DMD: variants seen among roughly 807,000 people sequenced by gnomAD.
The protein encoded by DMD is mutant dystrophin.
In DMD, 63 loss-of-function variants were observed where a neutral mutation model predicts 330.1. That is an observed-to-expected ratio of 0.19 (90% CI 0.16 to 0.24). The LOEUF (loss-of-function observed/expected upper bound fraction) is 0.24. DMD is among the 10% of genes least tolerant of loss of function. The probability of loss-of-function intolerance (pLI) is 1.00; values close to 1 mark genes in which losing one functional copy is unlikely to be tolerated. For missense variants in DMD, 3,344 were observed against 2,684.1 expected, an observed-to-expected ratio of 1.25 and a Z score of -5.43; for synonymous variants, 1,223 against 959.8, an observed-to-expected ratio of 1.27 and a Z score of -5.07.
intron 49 of DMD, among the ~76,000 whole-genome samples, chrX:31,831,778 A>T (rs1240651759): frequency 9.0e-6 from 1 of 110,806 alleles, no homozygotes; most frequent in Non-Finnish European, 1.9e-5. Context: ...TTGTTTTTGT[A>T]TTTTTAGTAG....
chrX:31,767,298 C>T lies in DMD; in HGVS notation c.7542+6662G>A, dbSNP rs760073256. Among the ~76,000 whole-genome samples the T allele has an allele frequency of 3.6e-5, 4 of 111,659 alleles. No homozygotes were observed. In the South Asian group the frequency reaches 1.5e-3, roughly 42 times the overall value. ...AGAGAAAAACAGAATAATCAATCTC[C>T]TCACCCTAAGATGACTGTCACCCAA... On this transcript the variant is annotated intron_variant, in intron 51 of 78. Transcript: ENST00000357033.
intron 34 of DMD, among the ~76,000 whole-genome samples, chrX:32,369,578 C>A (rs1401402909): frequency 6.3e-5 from 7 of 110,965 alleles, no homozygotes; most frequent in Non-Finnish European, 1.3e-4. Context: ...TATAGGAACA[C>A]CTTTACAAAC....
intron 11 of DMD, among the ~76,000 whole-genome samples, chrX:32,629,800 A>G (rs1430303611): frequency 4.6e-5 from 3 of 65,705 alleles, no homozygotes; most frequent in African/African-American, 2.9e-4. Context: ...AGAGAAAACT[A>G]AAAAAAAAAA....
rs939850348 is a variant in DMD at position 32,648,872 on chromosome X, A to T, written c.961-3720T>A. Among the ~76,000 whole-genome samples the T allele has an allele frequency of 3.6e-5, 4 of 111,925 alleles. No individual in the cohort carries two copies. The Admixed American group carries it at 3.8e-4, about 11-fold the overall frequency. On this transcript the variant is annotated intron_variant, in intron 9 of 78. Transcript: ENST00000357033. ...GAGATCACTTCATACATGTCATGGC[A>T]TCAAATGAAGAGATTTTCTAGGAAA...
rs752538981 is a variant in DMD, at chrX:32,545,291, G to C, written c.2036C>G (p.Thr679Arg). 2 of 1,208,846 alleles carry C rather than the reference G, an allele frequency of 1.7e-6. No individual in the cohort carries two copies. The highest frequency in any genetic ancestry group is 1.8e-5 in the South Asian group (1 of 56,808). Residue 679 changes from threonine (T) to arginine (R), a missense_variant, in exon 17 of 79, where the codon ACA becomes AGA. Transcript: ENST00000357033. ...CGTAGTTACTGTTTCCATTACAGTTGTCTGTGTTAGTGATGGCTGAGTGGT... is the reference window on the plus strand; with the variant it reads ...CGTAGTTACTGTTTCCATTACAGTTCTCTGTGTTAGTGATGGCTGAGTGGT... Reference protein sequence around the residue: ...VTTTQPSLTQTTVMETVTTVT... With the variant: ...VTTTQPSLTQRTVMETVTTVT...
At chrX:32,953,099 C>T (rs1255646366) in intron 2 of DMD, among the ~76,000 whole-genome samples, 2 of 100,273 alleles carry the variant, frequency 2.0e-5, no homozygotes, top group African/African-American at 7.5e-5. Context: ...CGCGTCACTG[C>T]ACTCCAGCCT....
At chrX:33,337,336 AT>A (rs1479368678) in intron 1 of DMD, among the ~76,000 whole-genome samples, 4 of 111,466 alleles carry the variant, frequency 3.6e-5, no homozygotes, top group African/African-American at 1.3e-4. Context: ...AGAGGGCTGT[AT>A]TTTAAACAAC....
At chrX:32,749,522 CCT>C (rs1254036150) in intron 7 of DMD, among the ~76,000 whole-genome samples, 3 of 112,276 alleles carry the variant, frequency 2.7e-5, no homozygotes, top group Non-Finnish European at 5.6e-5. Context: ...TATAAATTAT[CCT>C]GTTTTCTTCC....
chrX:31,548,792 T>C (rs757599365), intron 55 of DMD, among the ~76,000 whole-genome samples: 2 of 111,267 alleles, frequency 1.8e-5, no homozygotes, highest in South Asian at 7.6e-4. Context: ...ATGAGTAAAC[T>C]AGAAAATCAT....
intron 61 of DMD, among the ~76,000 whole-genome samples, chrX:31,340,077 G>A (rs2057642995): frequency 8.9e-6 from 1 of 112,275 alleles, no homozygotes; most frequent in African/African-American, 3.2e-5. Context: ...CAGGATGAAA[G>A]CTTGGCAACT....
At chrX:31,862,606 G>C (rs192659706) in intron 48 of DMD, among the ~76,000 whole-genome samples, 168 of 112,342 alleles carry the variant, frequency 1.5e-3, no homozygotes, top group Non-Finnish European at 1.7e-3. Flanking sequence ...GATAACAACA[G>C]TTCCAGAAAA....
At chrX:31,359,194 A>G (rs2058812779) in intron 60 of DMD, among the ~76,000 whole-genome samples, 1 of 112,600 alleles carries the variant, frequency 8.9e-6, no homozygotes, top group African/African-American at 3.2e-5. Flanking sequence ...ATAAAGTATT[A>G]TGGGAAAGAT....
At chrX:32,903,826 G>A (rs2086513864) in intron 2 of DMD, among the ~76,000 whole-genome samples, 1 of 111,429 alleles carries the variant, frequency 9.0e-6, no homozygotes, top group Non-Finnish European at 1.9e-5. Flanking sequence ...TAAGGAGTGG[G>A]AGTGGCATTC....
intron 18 of DMD, among the ~76,000 whole-genome samples, chrX:32,508,615 C>T (rs1315772482): frequency 1.8e-5 from 2 of 110,645 alleles, no homozygotes; most frequent in African/African-American, 6.6e-5. Flanking sequence ...CCATGTGGGA[C>T]TTCTGAGGGG....
At chrX:32,093,001 A>G (rs891364091) in intron 44 of DMD, among the ~76,000 whole-genome samples, 2 of 110,844 alleles carry the variant, frequency 1.8e-5, no homozygotes, top group Admixed American at 9.6e-5. Context: ...TCTCCCTTAT[A>G]TACTGTACTA....
chrX:32,593,097 A>C (rs1446466527), intron 13 of DMD, among the ~76,000 whole-genome samples: 1 of 112,914 alleles, frequency 8.9e-6, no homozygotes, highest in African/African-American at 3.2e-5. Flanking sequence ...AGCCAAGCAC[A>C]GCCTGCCAGG....
chrX:33,277,717 A>G (rs2053257274), intron 1 of DMD, among the ~76,000 whole-genome samples: 1 of 111,510 alleles, frequency 9.0e-6, no homozygotes, highest in African/African-American at 3.3e-5. Context: ...ACATTCTGCT[A>G]TATCTATGGA....
intron 55 of DMD, among the ~76,000 whole-genome samples, chrX:31,560,619 G>T (rs1603373045): frequency 9.0e-6 from 1 of 110,686 alleles, no homozygotes; most frequent in South Asian, 3.9e-4. Context: ...ACCAATATGT[G>T]CACACTTAAA....
intron 34 of DMD, among the ~76,000 whole-genome samples, chrX:32,366,851 G>T (rs747080003): frequency 8.9e-6 from 1 of 112,051 alleles, no homozygotes; most frequent in Non-Finnish European, 1.9e-5. Flanking sequence ...TCAATTCTAA[G>T]ATATGGTTTT....
Sources: gnomAD v4.1 joint callset for allele counts (sites outside exome capture counted in the v4.1 genomes callset) on GRCh38, gnomAD v4.1.1 for gene constraint, MANE v1.5 for transcripts, NCBI Gene and HGNC (gene_info 2026-07-23, HGNC 2026-07-21) for gene names.